RARS1: variants seen among roughly 807,000 people sequenced by gnomAD.
RARS1 encodes arginyl-tRNA synthetase 1.
A neutral mutation model predicts 78.7 loss-of-function variants in RARS1; 75 were observed. The ratio of observed to expected loss-of-function variants is 0.95; its 90% CI spans 0.79 to 1.15. RARS1 has a LOEUF of 1.15. Ranked by LOEUF, RARS1 falls within the 50% of genes most tolerant of loss-of-function variation. The pLI is 0.00. For synonymous variants in RARS1, 273 were observed against 268.2 expected (o/e 1.02, Z -0.18); for missense variants, 787 against 787.5 (o/e 1.00, Z 0.01).
intron 3 of RARS1, chr5:168,493,127 C>T (rs979155549): frequency 5.3e-5 from 15 of 282,884 alleles, no homozygotes; most frequent in African/African-American, 2.1e-4. Context: ...TCCAGGATTG[C>T]TGTGTGGTGG....
At chr5:168,493,055 A>T in intron 3 of RARS1, 1 of 474,510 alleles carries the variant, frequency 2.1e-6, no homozygotes. Flanking sequence ...TTTTATATGT[A>T]TTCTCAATAT....
rs1758336855 is a variant in RARS1 at position 168,502,048 on chromosome 5, G to A, written c.1000G>A (p.Gly334Arg). ...ATTGGACGTCTCTTTAATAGAGAGA[G>A]GGGAATCCTTCTATCAAGATAGGAT... ...DALDVSLIER[G>R]ESFYQDRMND... The change falls in exon 9 of 15, where the codon GGG becomes AGG. Residue 334 changes from glycine to arginine, a missense_variant. Physicochemically the swap from Gly to Arg is moderately radical, Grantham distance 125. Transcript: ENST00000231572. The A allele has an allele frequency of 6.2e-7, 1 of 1,605,046 alleles. No homozygotes were observed. Among genetic ancestry groups the A allele is most frequent in the Non-Finnish European group, 8.5e-7 (1 of 1,175,840 alleles).
Position 168,517,133 on chromosome 5 carries a change from G to GT in RARS1, c.1625+192dup, listed in dbSNP as rs372789566. Among the ~76,000 whole-genome samples the GT allele has an allele frequency of 5.2e-3, 776 of 150,196 alleles. 5 individuals are homozygous for GT. The highest frequency in any genetic ancestry group is 0.016 in the African/African-American group (652 of 40,890). On this transcript the variant is annotated intron_variant, in intron 13 of 14. Transcript: ENST00000231572. ...CACCATTACACCTGACTTCTAAAGT[G>GT]TTTTTTTTTGTTTGTTTGTTTATTT...
chr5:168,509,367 G>A lies in RARS1; in HGVS notation c.1347-1214G>A, dbSNP rs182036605. Reference sequence around the variant, plus strand: ...GGAAATAAAACTTTAACAGAAAGTAGCACATTCATTTTGGTACTCTTTGTG... The same window carrying A: ...GGAAATAAAACTTTAACAGAAAGTAACACATTCATTTTGGTACTCTTTGTG... On this transcript the variant is annotated intron_variant, in intron 11 of 14. Coordinates refer to ENST00000231572, the MANE Select transcript of RARS1 (RefSeq NM_002887.4). Among the ~76,000 whole-genome samples the A allele has an allele frequency of 4.4e-3, 657 of 150,778 alleles. 1 individual carries two copies. Among genetic ancestry groups the A allele is most frequent in the Non-Finnish European group, 7.4e-3 (504 of 67,850 alleles).
chr5:168,517,236 G>T lies in RARS1; in HGVS notation c.1625+286G>T, dbSNP rs543300977. ...CGGCTCACTGCAACCTCCACCTCCC[G>T]GGTTCAGGTGATTCTCCTGCCTCAG... On this transcript the variant is annotated intron_variant, in intron 13 of 14. Coordinates refer to ENST00000231572, the MANE Select transcript of RARS1 (RefSeq NM_002887.4). Among the ~76,000 whole-genome samples the T allele has an allele frequency of 2.6e-5, 4 of 152,026 alleles. No individual in the cohort carries two copies. The South Asian group carries it at 8.3e-4, about 32-fold the overall frequency.
chr5:168,496,506 A>G (rs1030097682), intron 6 of RARS1, among the ~76,000 whole-genome samples: 2 of 151,364 alleles, frequency 1.3e-5, no homozygotes, highest in Non-Finnish European at 2.9e-5. Flanking sequence ...TTTTGGAGAC[A>G]GAGTCTTGCT....
At chr5:168,493,777 G>C (rs1370824888) in intron 3 of RARS1, 117 bp from the exon 4 acceptor site, 3 of 738,646 alleles carry the variant, frequency 4.1e-6, no homozygotes, top group Non-Finnish European at 6.8e-6. Flanking sequence ...GGACTTCTCT[G>C]CTTCTGCCTT....
chr5:168,505,962 C>T, intron 9 of RARS1, 59 bp from the exon 10 acceptor site: 3 of 1,258,570 alleles, frequency 2.4e-6, no homozygotes, highest in Admixed American at 2.2e-5. Context: ...AATGAGTAAG[C>T]ATTCATTTTC....
rs1269699287 is a variant in RARS1 at position 168,497,411 on chromosome 5, C to G, written c.822+63C>G. ...CCATTAATCATAATTATCCATTTTC[C>G]TTAGGAAACTTAAAATGGTTTTTAA... On this transcript the variant is annotated intron_variant, in intron 7 of 14. Transcript: ENST00000231572. 4 of 1,309,474 alleles carry G rather than the reference C, an allele frequency of 3.1e-6. No homozygotes were observed. In the Admixed American group the frequency reaches 1.2e-4, roughly 39 times the overall value. 81.1% of individuals were successfully genotyped at this position (1,309,474 alleles called of 1,614,324 possible).
At chr5:168,509,380 G>C (rs1758517259) in intron 11 of RARS1, among the ~76,000 whole-genome samples, 1 of 149,988 alleles carries the variant, frequency 6.7e-6, no homozygotes, top group South Asian at 2.1e-4. Context: ...CATTCATTTT[G>C]GTACTCTTTG....
At position 168,494,646 on chromosome 5, in the gene RARS1, A is replaced by G; in HGVS notation, c.575A>G (p.Lys192Arg). The change falls in exon 5 of 15, where the codon AAA becomes AGA. Residue 192 changes from lysine to arginine, a missense_variant. Physicochemically the swap from Lys to Arg is conservative, Grantham distance 26. Coordinates refer to ENST00000231572, the MANE Select transcript of RARS1 (RefSeq NM_002887.4). ...CAACTACCTGCTCTGGGAGAGAATAAAAAGGTATATGTACACTCTTCTATT... is the reference window on the plus strand; with the variant it reads ...CAACTACCTGCTCTGGGAGAGAATAGAAAGGTATATGTACACTCTTCTATT... ...GVQLPALGEN[K>R]KVIVDFSSPN... The G allele has an allele frequency of 6.4e-7, 1 of 1,567,412 alleles. No homozygotes were observed. Among genetic ancestry groups the G allele is most frequent in the African/African-American group, 1.4e-5 (1 of 73,982 alleles).
chr5:168,502,641 G>A (rs1758355799), intron 9 of RARS1, among the ~76,000 whole-genome samples: 2 of 145,060 alleles, frequency 1.4e-5, no homozygotes, highest in South Asian at 2.2e-4. Flanking sequence ...GCGTGATCTC[G>A]GCTGACTGCA....
At chr5:168,496,118 C>T (rs1033087159) in intron 6 of RARS1, among the ~76,000 whole-genome samples, 1 of 152,136 alleles carries the variant, frequency 6.6e-6, no homozygotes, top group East Asian at 1.9e-4. Flanking sequence ...CGGTGGCTCA[C>T]GTCTGTAAAC....
intron 9 of RARS1, among the ~76,000 whole-genome samples, chr5:168,504,252 G>T (rs914941204): frequency 6.6e-6 from 1 of 151,780 alleles, no homozygotes; most frequent in Non-Finnish European, 1.5e-5. Flanking sequence ...GTGGCTGGGC[G>T]TGGTGGCTCA....
chr5:168,509,619 G>A (rs916286350), intron 11 of RARS1, among the ~76,000 whole-genome samples: 4 of 151,386 alleles, frequency 2.6e-5, no homozygotes, highest in African/African-American at 9.7e-5. Flanking sequence ...AGATCTGAAC[G>A]GGGCCCTAGC....
Position 168,518,069 on chromosome 5 carries a change from GTCTT to G in RARS1, c.1873+9_1873+12del. 3.0e-6 allele frequency: 2 copies of G among 675,680 alleles called. No individual in the cohort carries two copies. The highest frequency in any genetic ancestry group is 1.9e-6 in the Non-Finnish European group (1 of 533,950). The allele number at this position is 675,680 out of a possible 1,614,324, so 41.9% of individuals were successfully genotyped here. The stretch of plus-strand genomic sequence containing the variant: ...GAGAAAGATAGACAGACTGGTGAGT[GTCTT>G]TTTTTTTTTTTTTTTTTTTTTTAGT... On this transcript the variant is annotated splice_region_variant and intron_variant, in intron 14 of 14. Coordinates refer to ENST00000231572, the MANE Select transcript of RARS1 (RefSeq NM_002887.4).
At chr5:168,510,147 A>G (rs931858837) in intron 11 of RARS1, among the ~76,000 whole-genome samples, 1 of 152,254 alleles carries the variant, frequency 6.6e-6, no homozygotes, top group African/African-American at 2.4e-5. Context: ...GACTTTCTCA[A>G]CAATTCTAGA....
rs1175042026 is a variant in RARS1, at chr5:168,492,913, A to G, written c.369+66A>G. 2.3e-6 allele frequency: 3 copies of G among 1,314,208 alleles called. No homozygotes were observed. In the Admixed American group the frequency reaches 5.8e-5, roughly 25 times the overall value. The allele number at this position is 1,314,208 out of a possible 1,614,324, so 81.4% of individuals were successfully genotyped here. ...AGTATTATTATCATCATTGCCATTT[A>G]CAGAAATAATACTATTACAAGTTGT... On this transcript the variant is annotated intron_variant, in intron 3 of 14. Transcript: ENST00000231572.
chr5:168,518,071 C>CGTTTTTTTTTTTTTTTTTTTTTT lies in RARS1; in HGVS notation c.1873+9_1873+10insGTTTTTTTTTTTTTTTTTTTTTT. 1.3e-6 allele frequency: 1 copy of CGTTTTTTTTTTTTTTTTTTTTTT among 747,558 alleles called. No homozygotes were observed. The highest frequency in any genetic ancestry group is 1.6e-6 in the Non-Finnish European group (1 of 622,934). 46.3% of individuals were successfully genotyped at this position (747,558 alleles called of 1,614,324 possible). A position where few individuals can be genotyped will look rare whatever the true frequency, so the allele number is the denominator to read the frequency against. ...GAAAGATAGACAGACTGGTGAGTGT[C>CGTTTTTTTTTTTTTTTTTTTTTT]TTTTTTTTTTTTTTTTTTTTTTTTA... is the stretch of plus-strand genomic sequence containing the variant. On this transcript the variant is annotated intron_variant, in intron 14 of 14. Coordinates refer to ENST00000231572, the MANE Select transcript of RARS1 (RefSeq NM_002887.4).
Sources: gnomAD v4.1 joint callset for allele counts (sites outside exome capture counted in the v4.1 genomes callset) on GRCh38, gnomAD v4.1.1 for gene constraint, MANE v1.5 for transcripts, NCBI Gene and HGNC (gene_info 2026-07-23, HGNC 2026-07-21) for gene names.